Variants in TUSC3 observed in about 807,000 individuals in gnomAD.
TUSC3 encodes the protein tumor suppressor candidate 3, also known as dolichyl-diphosphooligosaccharide--protein glycosyltransferase subunit TUSC3.
Under a neutral mutation model 44.8 loss-of-function variants are expected in TUSC3, and 45 were observed. That is an observed-to-expected ratio of 1.00 (90% confidence interval 0.79 to 1.29). The LOEUF (loss-of-function observed/expected upper bound fraction) is 1.29, where lower values mean the gene tolerates loss of function less well. TUSC3 is among the 50% of genes most tolerant of loss of function. TUSC3 has a pLI of 0.00. For synonymous variants in TUSC3, 212 were observed against 152.9 expected (o/e 1.39, Z -2.85); for missense variants, 519 against 437.9 (o/e 1.19, Z -1.65).
intron 7 of TUSC3, among the ~76,000 whole-genome samples, chr8:15,734,000 C>A (rs946990699): frequency 1.6e-4 from 24 of 151,872 alleles, no homozygotes; most frequent in Non-Finnish European, 4.4e-5. Context: ...GCTGTGCTCA[C>A]ACACTACACT....
intron 1 of TUSC3, among the ~76,000 whole-genome samples, chr8:15,418,583 G>A (rs1390061): frequency 0.034 from 5,190 of 152,174 alleles, 293 homozygotes; most frequent in African/African-American, 0.12. Flanking sequence ...TTATAAAATC[G>A]GCAGCAAAAG....
intron 6 of TUSC3, among the ~76,000 whole-genome samples, chr8:15,698,668 A>AT (rs1164224699): frequency 6.6e-6 from 1 of 152,104 alleles, no homozygotes; most frequent in Non-Finnish European, 1.5e-5. Context: ...TATTTAGGAT[A>AT]TTTTTTCTGT....
intron 1 of TUSC3, among the ~76,000 whole-genome samples, chr8:15,460,965 G>A (rs531503329): frequency 6.6e-5 from 10 of 152,234 alleles, no homozygotes; most frequent in Admixed American, 5.9e-4. Context: ...GTAGTGTGAT[G>A]CCTCCAGATT....
chr8:15,483,332 G>GTTGTT lies in TUSC3; in HGVS notation n.92-36_92-32dup, dbSNP rs1323185861. ...AAGCACTGTTTTTGTTGTTGTTGTT[G>GTTGTT]TTGTTTTGTTTTGTTTTGTTTTTTT... On this transcript the variant is annotated intron_variant and non_coding_transcript_variant, in intron 1 of 5. Coordinates refer to the TUSC3 transcript ENST00000503191. 9 of 224,144 alleles carry GTTGTT rather than the reference G, an allele frequency of 4.0e-5. No individual in the cohort carries two copies. In the East Asian group the frequency reaches 4.0e-4, roughly 10 times the overall value. 13.9% of individuals were successfully genotyped at this position (224,144 alleles called of 1,614,324 possible). A position where few individuals can be genotyped will look rare whatever the true frequency, so the allele number is the denominator to read the frequency against.
At chr8:15,768,450 A>G (rs1812385820), downstream of TUSC3, among the ~76,000 whole-genome samples, 1 of 152,302 alleles carries the variant, frequency 6.6e-6, no homozygotes, top group East Asian at 1.9e-4. Context: ...TTCACAAGAA[A>G]GAAATTAACA....
intron 1 of TUSC3, among the ~76,000 whole-genome samples, chr8:15,436,396 CT>C (rs1319232145): frequency 6.6e-6 from 1 of 152,190 alleles, no homozygotes; most frequent in African/African-American, 2.4e-5. Flanking sequence ...TGCCATAGTT[CT>C]AAATTTTAGA....
intron 2 of TUSC3, among the ~76,000 whole-genome samples, chr8:15,504,609 ATATATATATATATTTTTTTTT>A (rs1360954960): frequency 2.7e-4 from 7 of 25,990 alleles, no homozygotes; most frequent in African/African-American, 1.0e-3. Context: ...ATATATATAT[ATATATATATATATTTTTTTTT>A]TTTTTTTTTT....
chr8:15,833,980 G>A, the TUSC3 span, among the ~76,000 whole-genome samples: 3 of 152,002 alleles, frequency 2.0e-5, no homozygotes, highest in African/African-American at 7.2e-5. Flanking sequence ...CAAAGTATAT[G>A]TGCATTCAAA....
chr8:15,746,275 T>C (rs1377090295), intron 8 of TUSC3, among the ~76,000 whole-genome samples: 1 of 151,450 alleles, frequency 6.6e-6, no homozygotes, highest in African/African-American at 2.4e-5. Context: ...TTGGTAGATG[T>C]TTGTTTCTCT....
chr8:15,666,548 A>G (rs1433706088), intron 5 of TUSC3, among the ~76,000 whole-genome samples: 4 of 151,542 alleles, frequency 2.6e-5, no homozygotes, highest in Non-Finnish European at 5.9e-5. Flanking sequence ...ATTGTGATTT[A>G]TCAGTAGAAA....
chr8:15,682,500 TTTCA>T (rs1357682598), intron 6 of TUSC3, among the ~76,000 whole-genome samples: 1 of 152,134 alleles, frequency 6.6e-6, no homozygotes, highest in Non-Finnish European at 1.5e-5. Context: ...CTGTTTGGTT[TTTCA>T]TTTGAGTGTT....
In TUSC3 at chr8:15,692,800, G is replaced by A. The variant is rs1003969338; in HGVS notation, c.798+18964G>A. The stretch of plus-strand genomic sequence containing the variant: ...CTAGTTTTCCACTATTGGACTGTGT[G>A]GTTATGTCAGTCTCTTCATAGGTCT... On this transcript the variant is annotated intron_variant, in intron 6 of 10. Transcript: ENST00000503731. 2.0e-5 allele frequency among the ~76,000 whole-genome samples: 3 copies of A among 152,004 alleles called. No homozygotes were observed. In the East Asian group the frequency reaches 5.8e-4, roughly 30 times the overall value.
intron 1 of TUSC3, among the ~76,000 whole-genome samples, chr8:15,573,168 T>TTCTCTCTC (rs1554516638): frequency 1.6e-4 from 14 of 85,544 alleles, no homozygotes; most frequent in Admixed American, 4.5e-4. Context: ...TTCTCTCTCT[T>TTCTCTCTC]TCTCTCTCTC....
intron 1 of TUSC3, among the ~76,000 whole-genome samples, chr8:15,443,208 CA>C (rs914998627): frequency 6.6e-6 from 1 of 151,948 alleles, no homozygotes; most frequent in African/African-American, 2.4e-5. Context: ...CACTGTCACC[CA>C]GGCTGGAGTG....
intron 1 of TUSC3, among the ~76,000 whole-genome samples, chr8:15,558,642 C>G (rs1303627160): frequency 1.8e-5 from 2 of 113,392 alleles, no homozygotes; most frequent in Non-Finnish European, 3.8e-5. Flanking sequence ...GTGCTGGACT[C>G]TTTTTGGTTG....
chr8:15,656,237 A>G (rs921438506), intron 3 of TUSC3, among the ~76,000 whole-genome samples: 4 of 152,146 alleles, frequency 2.6e-5, no homozygotes, highest in Non-Finnish European at 5.9e-5. Flanking sequence ...GTCTGAACTC[A>G]TTCTAGTACC....
At chr8:15,486,116 T>G (rs1256832375) in intron 2 of TUSC3, among the ~76,000 whole-genome samples, 6 of 152,168 alleles carry the variant, frequency 3.9e-5, no homozygotes, top group Non-Finnish European at 5.9e-5. Flanking sequence ...TTAAGTGAAT[T>G]GAATAACAGA....
At chr8:15,677,860 C>T (rs1007650230) in intron 6 of TUSC3, among the ~76,000 whole-genome samples, 5 of 152,200 alleles carry the variant, frequency 3.3e-5, no homozygotes, top group Non-Finnish European at 5.9e-5. Context: ...AAGACAGAGA[C>T]ATCCACTGGT....
At chr8:15,623,910 C>G (rs999360335) in intron 2 of TUSC3, among the ~76,000 whole-genome samples, 2 of 152,110 alleles carry the variant, frequency 1.3e-5, no homozygotes, top group Non-Finnish European at 2.9e-5. Context: ...CGGAACAGCT[C>G]TATTACTGCA....
Sources: allele counts gnomAD v4.1 joint callset (sites outside exome capture counted in the v4.1 genomes callset), GRCh38; gene constraint gnomAD v4.1.1; transcripts MANE v1.5; gene names NCBI Gene and HGNC (gene_info 2026-07-23, HGNC 2026-07-21).